PITPNM3: variants seen among roughly 807,000 people sequenced by gnomAD.
PITPNM3 encodes PITPNM family member 3, also known as membrane-associated phosphatidylinositol transfer protein 3.
Under a neutral mutation model 102.0 loss-of-function variants are expected in PITPNM3, and 26 were observed. That is an observed-to-expected ratio of 0.25 (90% confidence interval 0.19 to 0.35). PITPNM3 has a LOEUF of 0.35. Ranked by LOEUF, PITPNM3 falls within the 10% of genes least tolerant of loss-of-function variation. The pLI is 1.00. For synonymous variants in PITPNM3, 578 were observed against 558.6 expected (o/e 1.03, Z -0.49); for missense variants, 1,083 against 1,346.1 (o/e 0.80, Z 3.06).
intron 4 of PITPNM3, among the ~76,000 whole-genome samples, chr17:6,498,331 C>A (rs1906962122): frequency 6.6e-6 from 1 of 152,240 alleles, no homozygotes; most frequent in Non-Finnish European, 1.5e-5. Context: ...AGAGTCCACG[C>A]TCCTCCCAGA....
rs1321692684 is a variant in PITPNM3 at position 6,478,085 on chromosome 17, C to T, written c.790G>A (p.Gly264Arg). The T allele has an allele frequency of 2.5e-6, 4 of 1,613,556 alleles. No individual in the cohort carries two copies. The highest frequency in any genetic ancestry group is 1.6e-4 in the Middle Eastern group (1 of 6,062). The change falls in exon 8 of 20, where the codon GGG (glycine) becomes AGG (arginine). Residue 264 changes from glycine to arginine, a missense_variant. Coordinates refer to ENST00000262483, the MANE Select transcript of PITPNM3 (RefSeq NM_031220.4). This position sits in a 1 kb window ranked among gnomAD's most constrained non-coding sequence, Gnocchi z 4.4. ...IGFSGQVCLI[G>R]DCVGGLLAFD... Reference sequence around the variant, plus strand: ...GCCAGGAGGCCCCCCACACAGTCCCCGATGAGACACACCTGGAAGAGATGC... The same window carrying T: ...GCCAGGAGGCCCCCCACACAGTCCCTGATGAGACACACCTGGAAGAGATGC...
chr17:6,555,857 C>T (rs1459116717), intron 1 of PITPNM3, among the ~76,000 whole-genome samples: 1 of 152,014 alleles, frequency 6.6e-6, no homozygotes, highest in Non-Finnish European at 1.5e-5. Context: ...GGGGGCGGGG[C>T]GGCCAGCAGC....
At chr17:6,551,959 C>T (rs1299215224) in intron 1 of PITPNM3, among the ~76,000 whole-genome samples, 3 of 152,118 alleles carry the variant, frequency 2.0e-5, no homozygotes, top group African/African-American at 2.4e-5. Flanking sequence ...CAGGCTCTGC[C>T]GTCACCTTCT....
At chr17:6,509,214 G>A (rs971667942) in intron 3 of PITPNM3, among the ~76,000 whole-genome samples, 6 of 152,114 alleles carry the variant, frequency 3.9e-5, no homozygotes, top group Middle Eastern at 3.2e-3. Flanking sequence ...TCTGAGTCCC[G>A]CTAACGGTTT....
chr17:6,490,342 G>A (rs143737303), intron 4 of PITPNM3, among the ~76,000 whole-genome samples: 132 of 152,174 alleles, frequency 8.7e-4, no homozygotes, highest in Non-Finnish European at 1.3e-3. Context: ...GCAAACCACC[G>A]CAAAAGGAGG....
chr17:6,469,974 TC>T lies in PITPNM3; in HGVS notation c.1773+285del, dbSNP rs111482187. On this transcript the variant is annotated intron_variant, in intron 13 of 19. Transcript: ENST00000262483. This position sits in a 1 kb window ranked among gnomAD's most constrained non-coding sequence, Gnocchi z 4.0. ...TCAGTGGGGAGTGGGAACTGACTAC[TC>T]CAGTCTCCAAGTTGAAACACTGGGA... Among the ~76,000 whole-genome samples, 7,415 of 152,218 alleles carry T rather than the reference TC, an allele frequency of 0.049. 279 individuals carry two copies. The highest frequency in any genetic ancestry group is 0.12 in the South Asian group (591 of 4,820).
chr17:6,514,840 G>A (rs1211427239), intron 3 of PITPNM3, among the ~76,000 whole-genome samples: 2 of 152,182 alleles, frequency 1.3e-5, no homozygotes. Flanking sequence ...CCAAAAAGTA[G>A]AAACAACTCA....
intron 8 of PITPNM3, among the ~76,000 whole-genome samples, chr17:6,477,656 G>A (rs531773016): frequency 6.6e-6 from 1 of 151,886 alleles, no homozygotes; most frequent in African/African-American, 2.4e-5. Context: ...AGTGATTCTC[G>A]TGCCTCAGCC....
At chr17:6,526,337 T>C (rs991466491) in intron 2 of PITPNM3, among the ~76,000 whole-genome samples, 1 of 152,208 alleles carries the variant, frequency 6.6e-6, no homozygotes, top group East Asian at 1.9e-4. Flanking sequence ...GACAAACCCT[T>C]AGGCATGTGT....
chr17:6,531,751 G>C (rs1254899048), intron 2 of PITPNM3, among the ~76,000 whole-genome samples: 1 of 152,166 alleles, frequency 6.6e-6, no homozygotes, highest in African/African-American at 2.4e-5. Context: ...TGAACCCACA[G>C]CACTGAGCCA....
At chr17:6,473,400 C>T (rs1326183530) in intron 10 of PITPNM3, among the ~76,000 whole-genome samples, 1 of 152,130 alleles carries the variant, frequency 6.6e-6, no homozygotes, top group African/African-American at 2.4e-5. Flanking sequence ...CTGGACCGTC[C>T]AGCATCCAGG....
At chr17:6,490,192 C>T (rs1906370949) in intron 4 of PITPNM3, among the ~76,000 whole-genome samples, 1 of 152,112 alleles carries the variant, frequency 6.6e-6, no homozygotes, top group Non-Finnish European at 1.5e-5. Flanking sequence ...CCACAGCCCC[C>T]ATTCCCCAGG....
chr17:6,550,618 G>A (rs939916130), intron 1 of PITPNM3, among the ~76,000 whole-genome samples: 7 of 152,210 alleles, frequency 4.6e-5, no homozygotes, highest in Non-Finnish European at 1.0e-4. Context: ...AGGTAGAACA[G>A]GAGAACCAGG....
rs946073750 is a variant in PITPNM3 at position 6,506,409 on chromosome 17, G to A, written c.227-2835C>T. Among the ~76,000 whole-genome samples the A allele has an allele frequency of 2.2e-5, 3 of 134,744 alleles. No individual in the cohort carries two copies. The South Asian group carries it at 6.8e-4, about 31-fold the overall frequency. The allele number at this position is 134,744 out of a possible 152,430, so 88.4% of individuals were successfully genotyped here. A position where few individuals can be genotyped will look rare whatever the true frequency, so the allele number is the denominator to read the frequency against. ...TTTTTTTTTGACAGAGTCTCATTCT[G>A]TCACCAGGCTGGAGTGCAATGGTGC... On this transcript the variant is annotated intron_variant, in intron 3 of 19. Transcript: ENST00000262483.
intron 9 of PITPNM3, among the ~76,000 whole-genome samples, chr17:6,476,760 C>T (rs1019454424): frequency 6.6e-6 from 1 of 152,166 alleles, no homozygotes; most frequent in South Asian, 2.1e-4. Flanking sequence ...GAAGAAAAGC[C>T]GAGGCTCAGA....
At chr17:6,500,621 A>G (rs1373671497) in intron 4 of PITPNM3, among the ~76,000 whole-genome samples, 1 of 151,862 alleles carries the variant, frequency 6.6e-6, no homozygotes, top group Admixed American at 6.6e-5. Context: ...CCAAGGTACC[A>G]TTTCAGCTCC....
chr17:6,510,230 T>C (rs1164973085), intron 3 of PITPNM3, among the ~76,000 whole-genome samples: 2 of 152,138 alleles, frequency 1.3e-5, no homozygotes, highest in African/African-American at 4.8e-5. Flanking sequence ...TTATATCTCT[T>C]CCAGGACAAT....
In PITPNM3 at chr17:6,458,752, C is replaced by T. The variant is rs1904323287; in HGVS notation, c.2491-1030G>A. ...ACCCATGGCATCCCTGTGTCCTTGC[C>T]TCCACCCCGGATTCTCTCACCCCTT... On this transcript the variant is annotated intron_variant, in intron 18 of 19. Coordinates refer to ENST00000262483, the MANE Select transcript of PITPNM3 (RefSeq NM_031220.4). The surrounding 1 kb of genome is among the most constrained non-coding windows in gnomAD (Gnocchi z 5.1). 6.6e-6 allele frequency among the ~76,000 whole-genome samples: 1 copy of T among 152,104 alleles called. No homozygotes were observed. Among genetic ancestry groups the T allele is most frequent in the Admixed American group, 6.5e-5 (1 of 15,268 alleles).
At chr17:6,500,931 C>T (rs1907130218) in intron 4 of PITPNM3, among the ~76,000 whole-genome samples, 1 of 152,194 alleles carries the variant, frequency 6.6e-6, no homozygotes, top group East Asian at 1.9e-4. Context: ...CCACCTCAGC[C>T]TCCCAAAGTG....
Sources: gnomAD v4.1 joint callset for allele counts (sites outside exome capture counted in the v4.1 genomes callset) on GRCh38, gnomAD v4.1.1 for gene constraint, Gnocchi (gnomAD v3.1) non-coding constraint, MANE v1.5 for transcripts, NCBI Gene and HGNC (gene_info 2026-07-23, HGNC 2026-07-21) for gene names.